The following OIP5 variants were observed in gnomAD, a reference collection of about 807,000 sequenced individuals.
OIP5 encodes the protein Opa interacting protein 5, also known as protein Mis18-beta.
OIP5 carries 24 observed loss-of-function variants against 20.3 expected under a neutral mutation model. The observed-to-expected ratio is 1.18, with a 90% CI of 0.86 to 1.66. OIP5 has a LOEUF of 1.66. OIP5 is among the 40% of genes most tolerant of loss of function. OIP5 has a pLI of 0.00. For synonymous variants in OIP5, 143 were observed against 121.3 expected, an observed-to-expected ratio of 1.18 and a Z score of -1.17; for missense variants, 339 against 289.5, an observed-to-expected ratio of 1.17 and a Z score of -1.24.
At chr15:41,328,427 A>G (rs900057950) in intron 2 of OIP5, among the ~76,000 whole-genome samples, 16 of 152,232 alleles carry the variant, frequency 1.1e-4, no homozygotes, top group South Asian at 2.1e-4. Flanking sequence ...TGAATTTGCC[A>G]TAACAATTAG....
chr15:41,331,921 T>C lies in OIP5; in HGVS notation c.383A>G (p.Lys128Arg). ...TGTAATTATCAATACGTACCTGCCT[T>C]TGAGTGAACCTTCAATGCCAACTAG... is the stretch of plus-strand genomic sequence containing the variant. ...PFLVGIEGSL[K>R]GSTYNLLFCG... is the part of the protein sequence containing the mutation. Residue 128 changes from lysine (K) to arginine (R), a missense_variant, in exon 2 of 5, where the codon AAA becomes AGA. Coordinates refer to ENST00000220514, the MANE Select transcript of OIP5 (RefSeq NM_007280.2). 1 of 1,613,932 alleles carries C rather than the reference T, an allele frequency of 6.2e-7. No individual in the cohort carries two copies. Among genetic ancestry groups the C allele is most frequent in the African/African-American group, 1.3e-5 (1 of 75,050 alleles).
At chr15:41,325,346 C>T (rs1291096299) in intron 2 of OIP5, among the ~76,000 whole-genome samples, 5 of 151,994 alleles carry the variant, frequency 3.3e-5, no homozygotes, top group African/African-American at 9.7e-5. Context: ...GCTGAGCTTG[C>T]AGTGAGCCTA....
intron 2 of OIP5, among the ~76,000 whole-genome samples, chr15:41,326,986 G>T (rs890937057): frequency 2.0e-5 from 3 of 151,548 alleles, no homozygotes; most frequent in African/African-American, 7.3e-5. Flanking sequence ...GGTTATAACA[G>T]TCTGTGAATC....
chr15:41,314,259 G>T (rs1029763756), intron 3 of OIP5, among the ~76,000 whole-genome samples: 1 of 151,976 alleles, frequency 6.6e-6, no homozygotes, highest in Admixed American at 6.6e-5. Context: ...GCGCCACCAC[G>T]CCCAGCTAAT....
chr15:41,314,333 C>T (rs1292969664), intron 3 of OIP5, among the ~76,000 whole-genome samples: 2 of 152,138 alleles, frequency 1.3e-5, no homozygotes, highest in African/African-American at 4.8e-5. Context: ...AACTCCTGAC[C>T]TCAGGTGATC....
intron 2 of OIP5, among the ~76,000 whole-genome samples, chr15:41,321,952 A>G (rs184073614): frequency 1.3e-5 from 2 of 150,980 alleles, no homozygotes; most frequent in African/African-American, 4.9e-5. Context: ...AATAAATAAA[A>G]AAGAAAAAAA....
At chr15:41,316,789 C>CA (rs11385589) in intron 3 of OIP5, among the ~76,000 whole-genome samples, 29,306 of 61,554 alleles carry the variant, frequency 0.48, 6,047 homozygotes, top group African/African-American at 0.52. Context: ...GACTCCATCT[C>CA]AAAAAAAAAA....
At chr15:41,319,893 G>GT in intron 2 of OIP5, 113 bp from the exon 3 acceptor site, 1 of 800,306 alleles carries the variant, frequency 1.2e-6, no homozygotes, top group African/African-American at 1.8e-5. Flanking sequence ...AAATTACATT[G>GT]TAATAGGAAT....
rs750000747 is a variant in OIP5, at chr15:41,309,671, C to CT, written c.*82dup. Reference sequence around the variant, plus strand: ...TTTCCCCTCCATTCTTGAAGCCAATCTTTTTCAAGAAATGACTAAGCAGCA... The same window carrying CT: ...TTTCCCCTCCATTCTTGAAGCCAATCTTTTTTCAAGAAATGACTAAGCAGCA... On this transcript the variant is annotated 3_prime_UTR_variant, in exon 5 of 5. Coordinates refer to ENST00000220514, the MANE Select transcript of OIP5 (RefSeq NM_007280.2). The CT allele has an allele frequency of 3.4e-6, 3 of 875,132 alleles. No individual in the cohort carries two copies. The highest frequency in any genetic ancestry group is 5.4e-6 in the Non-Finnish European group (3 of 554,496). 54.2% of individuals were successfully genotyped at this position (875,132 alleles called of 1,614,324 possible).
chr15:41,311,444 T>C (rs940319128), intron 4 of OIP5, among the ~76,000 whole-genome samples: 1 of 152,104 alleles, frequency 6.6e-6, no homozygotes, highest in African/African-American at 2.4e-5. Context: ...TGTTTCTGTA[T>C]TTGCCATATA....
At chr15:41,323,518 T>G (rs2047842809) in intron 2 of OIP5, among the ~76,000 whole-genome samples, 1 of 152,140 alleles carries the variant, frequency 6.6e-6, no homozygotes, top group African/African-American at 2.4e-5. Flanking sequence ...TTCTTTTGGA[T>G]GGAGTGCAGT....
rs564363673 is a variant in OIP5 at position 41,326,847 on chromosome 15, T to C, written c.389+5068A>G. Among the ~76,000 whole-genome samples, 38 of 152,306 alleles carry C rather than the reference T, an allele frequency of 2.5e-4. No homozygotes were observed. The East Asian group carries it at 3.7e-3, about 15-fold the overall frequency. On this transcript the variant is annotated intron_variant, in intron 2 of 4. Coordinates refer to ENST00000220514, the MANE Select transcript of OIP5 (RefSeq NM_007280.2). ...ATCACCTAGCTTGCTGGGCCTTCCA[T>C]CATTACATTGGATCATGGGCACTGG...
intron 4 of OIP5, among the ~76,000 whole-genome samples, chr15:41,312,729 A>G (rs1007446370): frequency 1.3e-5 from 2 of 151,206 alleles, no homozygotes; most frequent in African/African-American, 4.9e-5. Context: ...TCCCAGTTCA[A>G]GCAATTCTCC....
chr15:41,314,744 G>C (rs1017495781), intron 3 of OIP5, among the ~76,000 whole-genome samples: 2 of 151,028 alleles, frequency 1.3e-5, no homozygotes, highest in Non-Finnish European at 2.9e-5. Context: ...CAATTCTTCT[G>C]CCTCAGCCTC....
In OIP5 at chr15:41,332,532, T is replaced by C. The variant is rs755047401; in HGVS notation, c.30A>G (p.Ser10=). ...CCCCCCGGGGCGGCGTTGCACAACG[T>C]GAGCGATGCCGCAGCGGCTGAGCCG... is the stretch of plus-strand genomic sequence containing the variant. MAAQPLRHR[S]RCATPPRGDF... The change falls in exon 1 of 5, where the codon TCA becomes TCG. Residue 10 remains serine, a synonymous_variant. Transcript: ENST00000220514. 5.6e-6 allele frequency: 9 copies of C among 1,610,912 alleles called. No individual in the cohort carries two copies. In the East Asian group the frequency reaches 8.9e-5, roughly 16 times the overall value.
intron 2 of OIP5, among the ~76,000 whole-genome samples, chr15:41,322,370 A>C (rs776455348): frequency 1.5e-4 from 23 of 152,238 alleles, no homozygotes; most frequent in Non-Finnish European, 2.6e-4. Context: ...TAAAGGAAAA[A>C]TAAATTGTAT....
chr15:41,313,134 C>G, intron 4 of OIP5, 139 bp downstream of exon 4: 5 of 648,140 alleles, frequency 7.7e-6, no homozygotes, highest in Middle Eastern at 2.8e-4. Flanking sequence ...TTTTTCATTA[C>G]AAATTCAATA....
chr15:41,327,583 A>G (rs2047869982), intron 2 of OIP5, among the ~76,000 whole-genome samples: 1 of 151,782 alleles, frequency 6.6e-6, no homozygotes, highest in South Asian at 2.1e-4. Context: ...AAGTCAGGAG[A>G]TTAAGACCAT....
At chr15:41,320,747 G>C (rs1378654191) in intron 2 of OIP5, among the ~76,000 whole-genome samples, 3 of 149,764 alleles carry the variant, frequency 2.0e-5, no homozygotes, top group Non-Finnish European at 3.0e-5. Context: ...GCCACCCATC[G>C]TCTGGGATGT....
Sources: allele counts gnomAD v4.1 joint callset (sites outside exome capture counted in the v4.1 genomes callset), GRCh38; gene constraint gnomAD v4.1.1; transcripts MANE v1.5; gene names NCBI Gene and HGNC (gene_info 2026-07-23, HGNC 2026-07-21).